The following DNAH6 variants were observed in gnomAD, a reference collection of about 807,000 sequenced individuals.
The protein encoded by DNAH6 is axonemal beta dynein heavy chain 6.
A neutral mutation model predicts 491.4 loss-of-function variants in DNAH6; 340 were observed. The observed-to-expected ratio is 0.69, with a 90% confidence interval of 0.63 to 0.76. The LOEUF is 0.76. Among genes scored for constraint, DNAH6 ranks in the 30% least tolerant of loss-of-function variants. The pLI, the probability that DNAH6 is intolerant of heterozygous loss-of-function variation, is 0.00. For missense variants in DNAH6, 4,443 were observed against 4,972.2 expected (o/e 0.89, Z 3.20); for synonymous variants, 1,603 against 1,686.1 (o/e 0.95, Z 1.21).
chr2:84,624,356 C>A lies in DNAH6; in HGVS notation c.4163C>A (p.Ala1388Glu). 2 of 1,551,196 alleles carry A rather than the reference C, an allele frequency of 1.3e-6. No homozygotes were observed. Among genetic ancestry groups the A allele is most frequent in the Non-Finnish European group, 1.7e-6 (2 of 1,146,778 alleles). ...GCATTGATTACTATTGATGTGCATG[C>A]AAGAGATATAGTCACTGAACTTGTT... is the stretch of plus-strand genomic sequence containing the variant. ...LTALITIDVH[A>E]RDIVTELVQS... Residue 1388 changes from alanine to glutamate, a missense_variant, in exon 27 of 77, where the codon GCA becomes GAA. By Grantham distance (107) the Ala-to-Glu change is moderately radical (BLOSUM62 -1). Transcript: ENST00000389394.
chr2:84,611,677 G>A lies in DNAH6; in HGVS notation c.3298G>A (p.Glu1100Lys), dbSNP rs1686349827. 1 of 1,549,956 alleles carries A rather than the reference G, an allele frequency of 6.5e-7. No individual in the cohort carries two copies. The highest frequency in any genetic ancestry group is 1.2e-5 in the South Asian group (1 of 83,734). Residue 1100 changes from glutamate to lysine, a missense_variant, in exon 22 of 77, where the codon GAG becomes AAG. Transcript: ENST00000389394. ...QLALFNQTLE[E>K]WLTCQRNWLY... ...AGTGTCCATATTTTTCTCCTAGGAA[G>A]AGTGGCTGACCTGCCAGAGAAACTG...
In DNAH6 at chr2:84,648,155, A is replaced by G. The variant is rs532481774; in HGVS notation, c.5079-5164A>G. Among the ~76,000 whole-genome samples the G allele has an allele frequency of 9.2e-5, 14 of 152,326 alleles. No homozygotes were observed. In the East Asian group the frequency reaches 1.2e-3, roughly 13 times the overall value. Reference sequence around the variant, plus strand: ...GCAGCAAGCTGCCCTTTTTTGTTCTAAATGAGAAAAGGGCTAAATCACCAT... The same window carrying G: ...GCAGCAAGCTGCCCTTTTTTGTTCTGAATGAGAAAAGGGCTAAATCACCAT... On this transcript the variant is annotated intron_variant, in intron 33 of 76. Transcript: ENST00000389394.
At chr2:84,533,825 T>A (rs917278746) in intron 4 of DNAH6, among the ~76,000 whole-genome samples, 9 of 152,138 alleles carry the variant, frequency 5.9e-5, no homozygotes, top group Admixed American at 3.9e-4. Context: ...AGTGAAATGA[T>A]CAAGAAATTC....
intron 35 of DNAH6, among the ~76,000 whole-genome samples, chr2:84,657,629 C>T (rs1413586142): frequency 1.3e-5 from 2 of 151,910 alleles, no homozygotes; most frequent in Non-Finnish European, 2.9e-5. Flanking sequence ...TGGTGTATAA[C>T]AAAATGATTG....
At chr2:84,687,248 T>C (rs573650913) in intron 44 of DNAH6, among the ~76,000 whole-genome samples, 1 of 152,330 alleles carries the variant, frequency 6.6e-6, no homozygotes, top group South Asian at 2.1e-4. Flanking sequence ...CCTGCCTACA[T>C]TGGCAGATAG....
the DNAH6 span, among the ~76,000 whole-genome samples, chr2:84,465,227 G>A: frequency 6.6e-6 from 1 of 152,190 alleles, no homozygotes; most frequent in African/African-American, 2.4e-5. Context: ...TGGGCGTGGT[G>A]GCTAACGCCT....
At chr2:84,690,817 G>A (rs1211806843) in intron 45 of DNAH6, among the ~76,000 whole-genome samples, 1 of 152,258 alleles carries the variant, frequency 6.6e-6, no homozygotes, top group Non-Finnish European at 1.5e-5. Flanking sequence ...TCTTTGTTAT[G>A]AAAGTGAGTT....
chr2:84,686,861 A>G (rs995098213), intron 44 of DNAH6, among the ~76,000 whole-genome samples: 2 of 152,226 alleles, frequency 1.3e-5, no homozygotes, highest in Admixed American at 6.5e-5. Flanking sequence ...AATATTTACT[A>G]TCAGACCCTT....
chr2:84,562,165 A>G (rs1680747331), intron 11 of DNAH6, among the ~76,000 whole-genome samples: 1 of 152,180 alleles, frequency 6.6e-6, no homozygotes, highest in Non-Finnish European at 1.5e-5. Context: ...AAAGAATATC[A>G]GTAAAACCCA....
chr2:84,517,610 G>T (rs1353358150), intron 1 of DNAH6, among the ~76,000 whole-genome samples: 1 of 152,152 alleles, frequency 6.6e-6, no homozygotes, highest in South Asian at 2.1e-4. Context: ...AGCTACAGGG[G>T]TTCTTGAAGC....
At chr2:84,817,935 C>G (rs1365804539) in intron 76 of DNAH6, among the ~76,000 whole-genome samples, 1 of 152,150 alleles carries the variant, frequency 6.6e-6, no homozygotes, top group Non-Finnish European at 1.5e-5. Context: ...GGATCTGACC[C>G]CCATCAGCCA....
chr2:84,498,080 C>A, the DNAH6 span, among the ~76,000 whole-genome samples: 30 of 152,180 alleles, frequency 2.0e-4, no homozygotes, highest in Admixed American at 2.0e-3. Flanking sequence ...TCCATAGGGC[C>A]ACCAATCAGG....
At chr2:84,692,420 GATA>G (rs1694948810) in intron 45 of DNAH6, among the ~76,000 whole-genome samples, 5 of 772 alleles carry the variant, frequency 6.5e-3, no homozygotes, top group African/African-American at 0.023. Flanking sequence ...AAATAAGGTA[GATA>G]GATAGATAGA....
chr2:84,773,911 T>A (rs1390592015), intron 64 of DNAH6, among the ~76,000 whole-genome samples: 1 of 152,118 alleles, frequency 6.6e-6, no homozygotes, highest in Non-Finnish European at 1.5e-5. Context: ...TCATATCTTT[T>A]GTCCACTTTT....
chr2:84,692,577 G>T (rs1694975317), intron 45 of DNAH6, among the ~76,000 whole-genome samples: 1 of 152,064 alleles, frequency 6.6e-6, no homozygotes, highest in African/African-American at 2.4e-5. Context: ...CAATGGTAAT[G>T]ATAAGTTTTA....
intron 57 of DNAH6, 41 bp from the exon 58 acceptor site, chr2:84,715,519 T>G: frequency 6.5e-7 from 1 of 1,534,632 alleles, no homozygotes; most frequent in South Asian, 1.2e-5. Context: ...TTTATTAGTT[T>G]GCACTTAAGC....
chr2:84,727,762 G>A lies in DNAH6; in HGVS notation c.10066G>A (p.Val3356Ile). 1 of 1,551,474 alleles carries A rather than the reference G, an allele frequency of 6.4e-7. No individual in the cohort carries two copies. The highest frequency in any genetic ancestry group is 8.7e-7 in the Non-Finnish European group (1 of 1,146,724). Residue 3356 changes from valine to isoleucine, a missense_variant, in exon 61 of 77, where the codon GTC becomes ATC. Val to Ile is a conservative substitution (Grantham distance 29). Around this residue, in one of 3 missense-constraint regions of DNAH6, gnomAD observed 1,463 missense variants for 1,656.6 expected, o/e 0.88. Transcript: ENST00000389394. ...AGAACAAACTCTCCTAACTGCTTAT[G>A]TCAATGTTTCAAGAGGACTTTTTGA... is the stretch of plus-strand genomic sequence containing the variant. ...LLEQTLLTAY[V>I]NVSRGLFEQH...
chr2:84,467,924 A>G, the DNAH6 span, among the ~76,000 whole-genome samples: 1 of 152,226 alleles, frequency 6.6e-6, no homozygotes, highest in Non-Finnish European at 1.5e-5. Context: ...GCATTTAGCA[A>G]ACTTAATCTG....
At chr2:84,532,360 G>C (rs1677256431) in intron 4 of DNAH6, among the ~76,000 whole-genome samples, 1 of 152,128 alleles carries the variant, frequency 6.6e-6, no homozygotes, top group South Asian at 2.1e-4. Context: ...GTTTGATGTT[G>C]AATCTTCCTC....
Sources: allele counts gnomAD v4.1 joint callset (sites outside exome capture counted in the v4.1 genomes callset), GRCh38; gene constraint gnomAD v4.1.1; regional missense constraint gnomAD v4.1.1; transcripts MANE v1.5; gene names NCBI Gene and HGNC (gene_info 2026-07-23, HGNC 2026-07-21).